The following PDE3A variants were observed in gnomAD, a reference collection of about 807,000 sequenced individuals.
The protein encoded by PDE3A is phosphodiesterase 3A.
A neutral mutation model predicts 98.3 loss-of-function variants in PDE3A; 43 were observed. The observed-to-expected ratio is 0.44, with a 90% CI of 0.34 to 0.56. The LOEUF is 0.56. PDE3A is among the 20% of genes least tolerant of loss of function. The probability of loss-of-function intolerance (pLI) is 0.01; values close to 1 mark genes in which losing one functional copy is unlikely to be tolerated. For synonymous variants in PDE3A, 663 were observed against 567.9 expected (o/e 1.17, Z -2.38); for missense variants, 1,427 against 1,440.7 (o/e 0.99, Z 0.15).
chr12:20,493,956 G>A (rs1407352699), intron 1 of PDE3A, among the ~76,000 whole-genome samples: 2 of 152,216 alleles, frequency 1.3e-5, no homozygotes, highest in Admixed American at 6.5e-5. Context: ...TGGCTTCAGA[G>A]TATTCCAATG....
chr12:20,468,312 C>T (rs1945378676), intron 1 of PDE3A, among the ~76,000 whole-genome samples: 1 of 151,932 alleles, frequency 6.6e-6, no homozygotes, highest in Non-Finnish European at 1.5e-5. Context: ...AGTCTTTTGT[C>T]TTAAAATTAG....
chr12:20,524,073 C>G (rs1946475433), intron 1 of PDE3A, among the ~76,000 whole-genome samples: 1 of 152,152 alleles, frequency 6.6e-6, no homozygotes, highest in South Asian at 2.1e-4. Context: ...TACCAGTTGT[C>G]ATGTTTACTT....
chr12:20,488,025 A>G (rs1302772509), intron 1 of PDE3A, among the ~76,000 whole-genome samples: 1 of 152,180 alleles, frequency 6.6e-6, no homozygotes, highest in Non-Finnish European at 1.5e-5. Context: ...ATTCCTTCCT[A>G]TTGACATTGA....
At chr12:20,392,564 A>G (rs1430940607) in intron 1 of PDE3A, among the ~76,000 whole-genome samples, 1 of 151,698 alleles carries the variant, frequency 6.6e-6, no homozygotes, top group Non-Finnish European at 1.5e-5. Context: ...AATAAAATCT[A>G]GCTGGACATT....
intron 1 of PDE3A, among the ~76,000 whole-genome samples, chr12:20,421,641 G>A (rs1944514252): frequency 6.6e-6 from 1 of 151,602 alleles, no homozygotes; most frequent in Non-Finnish European, 1.5e-5. Context: ...TTTGTGCTTG[G>A]GAACAGAATC....
chr12:20,547,066 AG>A (rs1942078685), intron 1 of PDE3A, among the ~76,000 whole-genome samples: 1 of 152,106 alleles, frequency 6.6e-6, no homozygotes, highest in Non-Finnish European at 1.5e-5. Flanking sequence ...CTCCCGCCTC[AG>A]AGCCTTTACA....
intron 15 of PDE3A, among the ~76,000 whole-genome samples, chr12:20,660,890 T>C (rs1415986435): frequency 6.6e-6 from 1 of 152,008 alleles, no homozygotes; most frequent in Non-Finnish European, 1.5e-5. Flanking sequence ...AGTTGGGTGC[T>C]GCTGAAAAGA....
chr12:20,438,252 T>C (rs1233044763), intron 1 of PDE3A, among the ~76,000 whole-genome samples: 10 of 152,188 alleles, frequency 6.6e-5, no homozygotes, highest in Non-Finnish European at 1.3e-4. Context: ...AATTTCAATT[T>C]ATCTTCAGCA....
intron 2 of PDE3A, among the ~76,000 whole-genome samples, chr12:20,601,169 T>C (rs1188619385): frequency 6.6e-6 from 1 of 152,186 alleles, no homozygotes; most frequent in African/African-American, 2.4e-5. Flanking sequence ...CGAGGATCTA[T>C]GTATATATGT....
Position 20,637,315 on chromosome 12 carries a change from T to G in PDE3A, c.2139+78T>G, listed in dbSNP as rs542473613. 66 of 1,071,626 alleles carry G rather than the reference T, an allele frequency of 6.2e-5. No individual in the cohort carries two copies. In the African/African-American group the frequency reaches 1.0e-3, roughly 16 times the overall value. 66.4% of individuals were successfully genotyped at this position (1,071,626 alleles called of 1,614,324 possible). ...TGTTGCTTAAAGCTCTGTAAATTCT[T>G]GACACTTGTGGATAGGTGTTATGTG... On this transcript the variant is annotated intron_variant, in intron 9 of 15. Coordinates refer to ENST00000359062, the MANE Select transcript of PDE3A (RefSeq NM_000921.5).
chr12:20,554,380 A>AT (rs1001324929), intron 1 of PDE3A, among the ~76,000 whole-genome samples: 7 of 148,232 alleles, frequency 4.7e-5, no homozygotes, highest in African/African-American at 1.7e-4. Flanking sequence ...AAATAAAAAA[A>AT]ATAAAAAAAG....
intron 1 of PDE3A, among the ~76,000 whole-genome samples, chr12:20,531,797 C>T (rs1297425919): frequency 1.3e-5 from 2 of 152,130 alleles, no homozygotes. Context: ...AAGAGTGGTA[C>T]TTTCCAAAAT....
chr12:20,552,138 C>T lies in PDE3A; in HGVS notation c.961-4522C>T, dbSNP rs7139184. 3,865 of 1,613,626 alleles carry T rather than the reference C, an allele frequency of 2.4e-3. 84 individuals carry two copies. The African/African-American group carries it at 0.046, about 19-fold the overall frequency. ...AGTCTTGTGATCAGAAACTCACCAA[C>T]ACCAACAGGGCGCTGGCTCTCAACT... On this transcript the variant is annotated intron_variant, in intron 1 of 15. Transcript: ENST00000359062. The surrounding 1 kb of genome is among the most constrained non-coding windows in gnomAD (Gnocchi z 5.1).
chr12:20,520,879 G>A (rs1377559937), intron 1 of PDE3A, among the ~76,000 whole-genome samples: 1 of 152,126 alleles, frequency 6.6e-6, no homozygotes, highest in Non-Finnish European at 1.5e-5. Context: ...AACCCACTTG[G>A]GACTCATGCT....
chr12:20,639,762 G>T, intron 9 of PDE3A, 84 bp from the exon 10 acceptor site: 1 of 655,088 alleles, frequency 1.5e-6, no homozygotes, highest in South Asian at 1.9e-5. Flanking sequence ...TTCCGTTACC[G>T]ATATTTACCT....
At chr12:20,386,043 T>TATATATATAAATATATATAAA (rs1943762836) in intron 1 of PDE3A, among the ~76,000 whole-genome samples, 1 of 36,022 alleles carries the variant, frequency 2.8e-5, no homozygotes, top group Non-Finnish European at 6.1e-5. Context: ...ATATATAAAA[T>TATATATATAAATATATATAAA]ATATATAAAT....
chr12:20,376,879 G>A (rs984240367), intron 1 of PDE3A, among the ~76,000 whole-genome samples: 1 of 151,786 alleles, frequency 6.6e-6, no homozygotes, highest in Non-Finnish European at 1.5e-5. Flanking sequence ...CACAAACTAA[G>A]CAATGTCTGT....
chr12:20,615,944 A>C (rs976119773), intron 3 of PDE3A, among the ~76,000 whole-genome samples: 2 of 152,002 alleles, frequency 1.3e-5, no homozygotes, highest in Non-Finnish European at 2.9e-5. Flanking sequence ...GGTTGGTCTC[A>C]AACTCCTGAC....
At chr12:20,504,678 G>A (rs977520749) in intron 1 of PDE3A, among the ~76,000 whole-genome samples, 8 of 151,812 alleles carry the variant, frequency 5.3e-5, no homozygotes, top group Non-Finnish European at 7.4e-5. Context: ...CTTGGCTTGC[G>A]ACCCTCTTTC....
Sources: allele counts gnomAD v4.1 joint callset (sites outside exome capture counted in the v4.1 genomes callset), GRCh38; gene constraint gnomAD v4.1.1; non-coding constraint Gnocchi (gnomAD v3.1); transcripts MANE v1.5; gene names NCBI Gene and HGNC (gene_info 2026-07-23, HGNC 2026-07-21).